Variants in LRRIQ1 observed in about 807,000 individuals in gnomAD.
LRRIQ1 encodes leucine-rich repeat- and IQ domain-containing protein 1.
LRRIQ1 carries 210 observed loss-of-function variants against 211.9 expected under a neutral mutation model. That is an observed-to-expected ratio of 0.99 (90% CI 0.89 to 1.11). LRRIQ1 has a LOEUF of 1.11. Among genes scored for constraint, LRRIQ1 ranks in the 50% most tolerant of loss-of-function variants. The pLI is 0.00. For synonymous variants in LRRIQ1, 699 were observed against 650.1 expected (o/e 1.08, Z -1.14); for missense variants, 2,136 against 1,939.5 (o/e 1.10, Z -1.90).
intron 1 of LRRIQ1, among the ~76,000 whole-genome samples, chr12:85,260,204 G>A (rs1896245435): frequency 6.6e-6 from 1 of 150,604 alleles, no homozygotes; most frequent in Non-Finnish European, 1.5e-5. Flanking sequence ...CTTCTGGGAA[G>A]GCTGAGTTGA....
At chr12:85,061,380 A>G (rs1881780234) in intron 8 of LRRIQ1, among the ~76,000 whole-genome samples, 2 of 151,744 alleles carry the variant, frequency 1.3e-5, no homozygotes, top group African/African-American at 4.8e-5. Context: ...ATATTGCTAT[A>G]CTATAAAGAT....
At chr12:85,256,375 G>A (rs1896092638) in intron 1 of LRRIQ1, among the ~76,000 whole-genome samples, 1 of 151,258 alleles carries the variant, frequency 6.6e-6, no homozygotes, top group Admixed American at 6.6e-5. Context: ...TTGTATTTTT[G>A]TTATTTTTTT....
chr12:85,226,266 A>C (rs931109460), intron 24 of LRRIQ1, among the ~76,000 whole-genome samples: 1 of 152,104 alleles, frequency 6.6e-6, no homozygotes, highest in African/African-American at 2.4e-5. Flanking sequence ...GTTTTAACTA[A>C]AAGTTTGCTT....
rs368084071 is a variant in LRRIQ1, at chr12:85,098,389, A to G, written c.2922A>G (p.Leu974=). ...GLESLKNLQQ[L]ILDHNQLINT... is the part of the protein sequence containing the mutation. ...AATCTTTGAAAAATCTTCAACAACT[A>G]ATTTTGGACCACAATCAGTTAATTA... The change falls in exon 12 of 27, where the codon CTA becomes CTG. Residue 974 remains leucine (L), a synonymous_variant. Coordinates refer to ENST00000393217, the MANE Select transcript of LRRIQ1 (RefSeq NM_001079910.2). 1 of 1,609,044 alleles carries G rather than the reference A, an allele frequency of 6.2e-7. No individual in the cohort carries two copies. Among genetic ancestry groups the G allele is most frequent in the Non-Finnish European group, 8.5e-7 (1 of 1,177,600 alleles).
Position 85,138,802 on chromosome 12 carries a change from C to T in LRRIQ1, c.4329+833C>T, listed in dbSNP as rs187587108. The stretch of plus-strand genomic sequence containing the variant: ...AAACAAACATGAAACATACAAATTT[C>T]TCTTTATTTTCTTTCATCTACCTAT... On this transcript the variant is annotated intron_variant, in intron 19 of 26. Coordinates refer to ENST00000393217, the MANE Select transcript of LRRIQ1 (RefSeq NM_001079910.2). Among the ~76,000 whole-genome samples, 29 of 151,626 alleles carry T rather than the reference C, an allele frequency of 1.9e-4. No individual in the cohort carries two copies. In the East Asian group the frequency reaches 5.6e-3, roughly 29 times the overall value.
At chr12:85,168,401 C>G (rs1402089469) in intron 24 of LRRIQ1, among the ~76,000 whole-genome samples, 3 of 152,182 alleles carry the variant, frequency 2.0e-5, no homozygotes, top group Non-Finnish European at 4.4e-5. Flanking sequence ...AACACTACAG[C>G]TCCCTTGTTA....
chr12:85,186,483 A>G (rs1892233328), intron 24 of LRRIQ1, among the ~76,000 whole-genome samples: 1 of 152,070 alleles, frequency 6.6e-6, no homozygotes, highest in Admixed American at 6.6e-5. Flanking sequence ...TAACAAGCGT[A>G]ACTCCTGGTT....
chr12:85,154,293 TTTTTAC>T (rs1592895248), intron 23 of LRRIQ1, among the ~76,000 whole-genome samples, 199 bp downstream of exon 23: 1 of 136,558 alleles, frequency 7.3e-6, no homozygotes, highest in East Asian at 2.1e-4. Context: ...TTAAACACTA[TTTTTAC>T]TTTTTCGGCT....
At chr12:85,106,148 A>G (rs1393443602) in intron 14 of LRRIQ1, among the ~76,000 whole-genome samples, 1 of 152,136 alleles carries the variant, frequency 6.6e-6, no homozygotes, top group Non-Finnish European at 1.5e-5. Flanking sequence ...TTTGTTGTAT[A>G]TACAATTTTA....
intron 1 of LRRIQ1, among the ~76,000 whole-genome samples, chr12:85,259,404 A>G (rs555279823): frequency 6.6e-6 from 1 of 152,118 alleles, no homozygotes; most frequent in South Asian, 2.1e-4. Flanking sequence ...TTCTGGAGTA[A>G]TCATAGGACA....
chr12:85,248,129 A>T (rs991429657), downstream of LRRIQ1, among the ~76,000 whole-genome samples: 8 of 151,608 alleles, frequency 5.3e-5, no homozygotes, highest in African/African-American at 1.7e-4. Context: ...TAAAGTATGC[A>T]TTGCAATATA....
At position 85,124,450 on chromosome 12, in the gene LRRIQ1, C is replaced by A; in HGVS notation, c.3938C>A (p.Pro1313Gln). Reference sequence around the variant, plus strand: ...AGCAGTATTCCCACCATAAGAATCCCATTTAAGGAAGTAGTAATGACAAAT... The same window carrying A: ...AGCAGTATTCCCACCATAAGAATCCAATTTAAGGAAGTAGTAATGACAAAT... ...KASSIPTIRIPFKEVVMTNSL... is the reference protein window; with the variant it reads ...KASSIPTIRIQFKEVVMTNSL... Residue 1313 changes from proline (P) to glutamine (Q), a missense_variant, in exon 17 of 27, where the codon CCA becomes CAA. Coordinates refer to ENST00000393217, the MANE Select transcript of LRRIQ1 (RefSeq NM_001079910.2). The A allele has an allele frequency of 6.2e-7, 1 of 1,613,792 alleles. No individual in the cohort carries two copies. Among genetic ancestry groups the A allele is most frequent in the South Asian group, 1.1e-5 (1 of 91,072 alleles).
chr12:85,148,418 A>G lies in LRRIQ1; in HGVS notation c.4330-3862A>G, dbSNP rs796294331. Among the ~76,000 whole-genome samples the G allele has an allele frequency of 5.3e-5, 8 of 151,632 alleles. 1 individual carries two copies. Among genetic ancestry groups the G allele is most frequent in the African/African-American group, 1.7e-4 (7 of 41,382 alleles). Reference sequence around the variant, plus strand: ...ATGCAGTGTTTGGTTTTCTGTTCCTATGTTAGTTTGCTGAGGATGATGGCT... The same window carrying G: ...ATGCAGTGTTTGGTTTTCTGTTCCTGTGTTAGTTTGCTGAGGATGATGGCT... On this transcript the variant is annotated intron_variant, in intron 19 of 26. Transcript: ENST00000393217.
chr12:85,236,795 A>G (rs1895191602), intron 26 of LRRIQ1, among the ~76,000 whole-genome samples: 1 of 145,566 alleles, frequency 6.9e-6, no homozygotes, highest in African/African-American at 2.6e-5. Flanking sequence ...TTTTTGATGT[A>G]TATATATTTC....
chr12:85,133,239 T>C (rs1050545231), intron 18 of LRRIQ1, among the ~76,000 whole-genome samples: 1 of 152,134 alleles, frequency 6.6e-6, no homozygotes, highest in Non-Finnish European at 1.5e-5. Flanking sequence ...TTTTGACCTT[T>C]CTTGAAAATA....
intron 19 of LRRIQ1, among the ~76,000 whole-genome samples, chr12:85,142,898 G>C (rs1889642219): frequency 6.6e-6 from 1 of 151,550 alleles, no homozygotes. Context: ...TGGTTATTGT[G>C]AATAATGCTA....
At chr12:85,134,124 C>A (rs898005176) in intron 18 of LRRIQ1, among the ~76,000 whole-genome samples, 1 of 152,084 alleles carries the variant, frequency 6.6e-6, no homozygotes, top group East Asian at 1.9e-4. Context: ...TAGAAGACAG[C>A]AGTTGTAGGC....
chr12:85,171,940 A>G (rs977188516), intron 24 of LRRIQ1, among the ~76,000 whole-genome samples: 4 of 152,202 alleles, frequency 2.6e-5, no homozygotes, highest in African/African-American at 9.7e-5. Flanking sequence ...GTATTTTGTT[A>G]TAGCAGCCCA....
chr12:85,081,154 AG>A (rs963199612), intron 11 of LRRIQ1, among the ~76,000 whole-genome samples: 6 of 152,116 alleles, frequency 3.9e-5, no homozygotes, highest in African/African-American at 1.4e-4. Context: ...TCTGATGAAG[AG>A]GGCCCTAGAA....
Sources: gnomAD v4.1 joint callset for allele counts (sites outside exome capture counted in the v4.1 genomes callset) on GRCh38, gnomAD v4.1.1 for gene constraint, MANE v1.5 for transcripts, NCBI Gene and HGNC (gene_info 2026-07-23, HGNC 2026-07-21) for gene names.